Variants in PITPNM1 observed in about 807,000 individuals in gnomAD.
PITPNM1 encodes membrane-associated phosphatidylinositol transfer protein 1.
Under a neutral mutation model 133.3 loss-of-function variants are expected in PITPNM1, and 74 were observed. The ratio of observed to expected loss-of-function variants is 0.56; its 90% CI spans 0.46 to 0.67. The LOEUF is 0.67. Ranked by LOEUF, PITPNM1 falls within the 30% of genes least tolerant of loss-of-function variation. The pLI is 0.00. For missense variants in PITPNM1, 1,398 were observed against 1,739.5 expected (o/e 0.80, Z 3.49); for synonymous variants, 738 against 741.4 (o/e 1.00, Z 0.08).
At position 67,493,934 on chromosome 11, in the gene PITPNM1, C is replaced by T. The variant is rs1473660721; in HGVS notation, c.2996G>A (p.Arg999His). The change falls in exon 20 of 24, where the codon CGC becomes CAC. Residue 999 changes from arginine (R) to histidine (H), a missense_variant. Transcript: ENST00000356404. The part of the protein sequence containing the change: ...RALGIGVYPV[R>H]MVVRGDHTYA... ...CAGCCGCGCTCACCTGACCACCATG[C>T]GCACGGGGTAGACACCAATGCCCAG... The T allele has an allele frequency of 3.8e-6, 6 of 1,573,808 alleles. No individual in the cohort carries two copies. Among genetic ancestry groups the T allele is most frequent in the Non-Finnish European group, 2.6e-6 (3 of 1,159,038 alleles).
chr11:67,492,168 G>GAAGTCCACGGGGGC lies in PITPNM1; in HGVS notation c.3586_3599dup (p.Phe1200LeufsTer44). 6.2e-7 allele frequency: 1 copy of GAAGTCCACGGGGGC among 1,611,394 alleles called. No individual in the cohort carries two copies. The highest frequency in any genetic ancestry group is 1.3e-5 in the African/African-American group (1 of 75,040). ...GAAGCAGCTGGCTCTGTTTGCGCAG[G>GAAGTCCACGGGGGC]AAGTCCACGGGGGCAGCCACACCAT... On this transcript the variant is annotated frameshift_variant, in exon 24 of 24. Transcript: ENST00000356404. LOFTEE classifies it high-confidence loss of function.
Position 67,499,948 on chromosome 11 carries a change from C to T in PITPNM1, c.1029G>A (p.Glu343=). 10 of 1,612,562 alleles carry T rather than the reference C, an allele frequency of 6.2e-6. No homozygotes were observed. Among genetic ancestry groups the T allele is most frequent in the Non-Finnish European group, 8.5e-6 (10 of 1,179,842 alleles). Residue 343 remains glutamate (E), a synonymous_variant, in exon 7 of 24, where the codon GAG becomes GAA. Transcript: ENST00000356404. The stretch of plus-strand genomic sequence containing the variant: ...CAAAGAACTCTTCCTCGGAGCTGTT[C>T]TCAGAGTCTCGGGCAATGTTCTGCA... ...WRMQNIARDS[E]NSSEEEFFDA...
Position 67,498,235 on chromosome 11 carries a change from T to C in PITPNM1, c.1572A>G (p.Ser524=). ...PLAALPLLAT[S]SSRYQGAVAT... is the part of the protein sequence containing the mutation. Reference sequence around the variant, plus strand: ...CCACGGCGCCCTGGTAGCGGGAGGATGAGGTGGCCAGCAGTGGCAGGGCAG... The same window carrying C: ...CCACGGCGCCCTGGTAGCGGGAGGACGAGGTGGCCAGCAGTGGCAGGGCAG... The change falls in exon 11 of 24, where the codon TCA becomes TCG. Residue 524 remains serine (S), a synonymous_variant. Coordinates refer to ENST00000356404, the MANE Select transcript of PITPNM1 (RefSeq NM_004910.3). This position sits in a 1 kb window ranked among gnomAD's most constrained non-coding sequence, Gnocchi z 5.7. 6.2e-7 allele frequency: 1 copy of C among 1,612,266 alleles called. No individual in the cohort carries two copies.
rs1012585904 is a variant in PITPNM1, at chr11:67,492,246, C to T, written c.3522G>A (p.Ser1174=). ...GGGGTCCCGAGGAGGCATGCGAGTG[C>T]GAGCCCGCTTCCAGCTGGCCCAGGT... ...VAHLGQLEAG[S]HSHASSGPPR... The change falls in exon 24 of 24, where the codon TCG becomes TCA. Residue 1174 remains serine, a synonymous_variant. Coordinates refer to ENST00000356404, the MANE Select transcript of PITPNM1 (RefSeq NM_004910.3). The T allele has an allele frequency of 5.0e-6, 8 of 1,598,800 alleles. No homozygotes were observed. Among genetic ancestry groups the T allele is most frequent in the Middle Eastern group, 1.7e-4 (1 of 5,996 alleles).
In PITPNM1 at chr11:67,493,995, C is replaced by CTCACCT; in HGVS notation, c.2934_2935insAGGTGA (p.Ser978_Gly979insArgTer). The CTCACCT allele has an allele frequency of 6.2e-7, 1 of 1,612,050 alleles. No homozygotes were observed. Among genetic ancestry groups the CTCACCT allele is most frequent in the Non-Finnish European group, 8.5e-7 (1 of 1,179,636 alleles). ...GGGGGAACTGGGAAGGTGAGGCGGCCCGAGCTATTGGTGACTTCGGTGCCA... is the reference window on the plus strand; with the variant it reads ...GGGGGAACTGGGAAGGTGAGGCGGCCTCACCTCGAGCTATTGGTGACTTCGGTGCCA... On this transcript the variant is annotated stop_gained and inframe_insertion, in exon 20 of 24. Transcript: ENST00000356404. LOFTEE classifies it high-confidence loss of function.
intron 23 of PITPNM1, 67 bp from the exon 24 acceptor site, chr11:67,492,363 C>A: frequency 6.9e-7 from 1 of 1,439,484 alleles, no homozygotes; most frequent in South Asian, 1.4e-5. Context: ...CCTCCACGGT[C>A]CTCCAGAGGC....
In PITPNM1 at chr11:67,492,937, G is replaced by C; in HGVS notation, c.3468C>G (p.Cys1156Trp). Reference sequence around the variant, plus strand: ...CTGGCCTTCACTTGGGCCTCACCTGGCACTGCGCCTGTAGCTTCCGCACGG... The same window carrying C: ...CTGGCCTTCACTTGGGCCTCACCTGCCACTGCGCCTGTAGCTTCCGCACGG... ...GRAVRKLQAQ[C>W]QFLSDGYVAH... Residue 1156 changes from cysteine to tryptophan, a missense_variant, in exon 23 of 24, where the codon TGC becomes TGG. By Grantham distance (215) the Cys-to-Trp change is radical. Around this residue, in one of 5 missense-constraint regions of PITPNM1, gnomAD observed 122 missense variants for 123.3 expected, o/e 0.99. Transcript: ENST00000356404. 1 of 1,612,156 alleles carries C rather than the reference G, an allele frequency of 6.2e-7. No individual in the cohort carries two copies. The highest frequency in any genetic ancestry group is 8.5e-7 in the Non-Finnish European group (1 of 1,179,400).
intron 18 of PITPNM1, 72 bp from the exon 19 acceptor site, chr11:67,494,432 G>T: frequency 9.2e-7 from 1 of 1,089,244 alleles, no homozygotes; most frequent in Non-Finnish European, 1.3e-6. Context: ...GAGCGGGTGA[G>T]GATCCACACG....
Position 67,494,244 on chromosome 11 carries a change from C to T in PITPNM1, c.2859G>A (p.Lys953=). Residue 953 remains lysine, a splice_region_variant and synonymous_variant, in exon 19 of 24, where the codon AAG becomes AAA. Coordinates refer to ENST00000356404, the MANE Select transcript of PITPNM1 (RefSeq NM_004910.3). ...GGCGACAGGGCCTCTGGGTCCTGAC[C>T]TTCTCTCCAGTGAGCGTGACGACGT... ...PLDVVTLTGE[K]VDVYIMTQPL... The T allele has an allele frequency of 4.3e-6, 7 of 1,611,886 alleles. No homozygotes were observed. The highest frequency in any genetic ancestry group is 5.1e-6 in the Non-Finnish European group (6 of 1,179,132).
intron 5 of PITPNM1, 99 bp from the exon 6 acceptor site, chr11:67,500,520 A>G (rs931705165): frequency 1.7e-6 from 2 of 1,198,862 alleles, no homozygotes; most frequent in Admixed American, 1.9e-5. Context: ...TCCCCTGGGG[A>G]CACCACCCAC....
At chr11:67,505,609 G>C (rs1866482344), upstream of PITPNM1, among the ~76,000 whole-genome samples, 1 of 152,204 alleles carries the variant, frequency 6.6e-6, no homozygotes, top group African/African-American at 2.4e-5. The surrounding 1 kb of genome is among the most constrained non-coding windows in gnomAD (Gnocchi z 5.8). Flanking sequence ...CTCCACCCTA[G>C]CCCAGCCCTC....
intron 7 of PITPNM1, 23 bp from the exon 8 acceptor site, chr11:67,499,853 C>A (rs1866266295): frequency 6.3e-7 from 1 of 1,589,964 alleles, no homozygotes; most frequent in Non-Finnish European, 8.6e-7. Flanking sequence ...GGGGCTGTGT[C>A]ATGGGGTGGG....
rs760700889 is a variant in PITPNM1, at chr11:67,502,460, C to T, written c.293+44G>A. On this transcript the variant is annotated intron_variant, in intron 3 of 23. Coordinates refer to ENST00000356404, the MANE Select transcript of PITPNM1 (RefSeq NM_004910.3). This position sits in a 1 kb window ranked among gnomAD's most constrained non-coding sequence, Gnocchi z 5.9. ...GGCTCACTGCTGTACCCACCAGGGC[C>T]GCTCCCCTCCTGGCCTCGGACCATG... 9.3e-6 allele frequency: 15 copies of T among 1,613,430 alleles called. No individual in the cohort carries two copies. Among genetic ancestry groups the T allele is most frequent in the South Asian group, 3.3e-5 (3 of 91,082 alleles).
rs763475792 is a variant in PITPNM1, at chr11:67,493,405, C to T, written c.3342+5G>A. 2 of 1,573,914 alleles carry T rather than the reference C, an allele frequency of 1.3e-6. No homozygotes were observed. Among genetic ancestry groups the T allele is most frequent in the East Asian group, 2.3e-5 (1 of 43,598 alleles). On this transcript the variant is annotated splice_donor_5th_base_variant and intron_variant, in intron 22 of 23. Transcript: ENST00000356404. ...AGGACCCGGAGCCTCCCCCAGCCGC[C>T]GCACCTCCTGCACCAGGCTCTGCAG...
Position 67,494,039 on chromosome 11 carries a change from G to A in PITPNM1, c.2891C>T (p.Ser964Leu). The A allele has an allele frequency of 6.2e-7, 1 of 1,609,890 alleles. No individual in the cohort carries two copies. The highest frequency in any genetic ancestry group is 8.5e-7 in the Non-Finnish European group (1 of 1,178,438). Residue 964 changes from serine (S) to leucine (L), a missense_variant, in exon 20 of 24, where the codon TCG (serine) becomes TTG (leucine). Transcript: ENST00000356404. ...GGTGCCAAAGTGGATCCACTTGCCCGACAGCGGCTGCGTCATGATGTAGAC... is the reference window on the plus strand; with the variant it reads ...GGTGCCAAAGTGGATCCACTTGCCCAACAGCGGCTGCGTCATGATGTAGAC... ...VDVYIMTQPL[S>L]GKWIHFGTEV... is the part of the protein sequence containing the mutation.
chr11:67,496,358 A>T lies in PITPNM1; in HGVS notation c.2147-10T>A. The T allele has an allele frequency of 6.4e-7, 1 of 1,567,100 alleles. No homozygotes were observed. The highest frequency in any genetic ancestry group is 8.6e-7 in the Non-Finnish European group (1 of 1,165,606). On this transcript the variant is annotated splice_polypyrimidine_tract_variant and intron_variant, in intron 14 of 23. Coordinates refer to ENST00000356404, the MANE Select transcript of PITPNM1 (RefSeq NM_004910.3). Reference sequence around the variant, plus strand: ...GGGCGCATCTGGGCTGCTGGTACCCAGAAGACAGAGAAAGATTGTGGGGTC... The same window carrying T: ...GGGCGCATCTGGGCTGCTGGTACCCTGAAGACAGAGAAAGATTGTGGGGTC...
chr11:67,501,039 C>T lies in PITPNM1; in HGVS notation c.641-618G>A, dbSNP rs1289823551. 3.9e-5 allele frequency among the ~76,000 whole-genome samples: 6 copies of T among 152,342 alleles called. No individual in the cohort carries two copies. In the South Asian group the frequency reaches 1.2e-3, roughly 32 times the overall value. ...GCATTTTTCCAAATGCAAGACAAGG[C>T]GTCCTCATTATTCTCTAAGCTGAAT... On this transcript the variant is annotated intron_variant, in intron 5 of 23. Coordinates refer to ENST00000356404, the MANE Select transcript of PITPNM1 (RefSeq NM_004910.3).
At position 67,495,177 on chromosome 11, in the gene PITPNM1, C is replaced by T. The variant is rs200394159; in HGVS notation, c.2531G>A (p.Cys844Tyr). The stretch of plus-strand genomic sequence containing the variant: ...GGGAAAGGCGGTGAGCGCCTCGGGG[C>T]AGTACAGCGAGTAGTCGATCCGCTT... The part of the protein sequence containing the change: ...GTKRIDYSLY[C>Y]PEALTAFPTV... The change falls in exon 17 of 24, where the codon TGC becomes TAC. Residue 844 changes from cysteine (C) to tyrosine (Y), a missense_variant. By Grantham distance (194) the Cys-to-Tyr change is radical (BLOSUM62 -2). Transcript: ENST00000356404. The T allele has an allele frequency of 6.2e-7, 1 of 1,611,290 alleles. No individual in the cohort carries two copies. The highest frequency in any genetic ancestry group is 2.2e-5 in the East Asian group (1 of 44,858).
At position 67,492,265 on chromosome 11, in the gene PITPNM1, C is replaced by T; in HGVS notation, c.3503G>A (p.Gly1168Asp). ...CGAGTGCGAGCCCGCTTCCAGCTGG[C>T]CCAGGTGGGCCACATAGCCGTCTGA... ...FLSDGYVAHL[G>D]QLEAGSHSHA... The change falls in exon 24 of 24, where the codon GGC (glycine) becomes GAC (aspartate). Residue 1168 changes from glycine to aspartate, a missense_variant. Gly to Asp is a moderately conservative substitution (Grantham distance 94). This residue lies in a region of PITPNM1 where 122 missense variants were observed against 123.3 expected (regional missense o/e 0.99). Coordinates refer to ENST00000356404, the MANE Select transcript of PITPNM1 (RefSeq NM_004910.3). 1 of 1,588,108 alleles carries T rather than the reference C, an allele frequency of 6.3e-7. No individual in the cohort carries two copies. Among genetic ancestry groups the T allele is most frequent in the Non-Finnish European group, 8.6e-7 (1 of 1,165,262 alleles).
Sources: gnomAD v4.1 joint callset for allele counts (sites outside exome capture counted in the v4.1 genomes callset) on GRCh38, gnomAD v4.1.1 for gene constraint, gnomAD v4.1.1 regional missense constraint, Gnocchi (gnomAD v3.1) non-coding constraint, MANE v1.5 for transcripts, NCBI Gene and HGNC (gene_info 2026-07-23, HGNC 2026-07-21) for gene names.